Variants in PPFIBP1 observed in about 807,000 individuals in gnomAD.
PPFIBP1 encodes the protein liprin-beta-1.
PPFIBP1 carries 112 observed loss-of-function variants against 137.8 expected under a neutral mutation model. That is an observed-to-expected ratio of 0.81 (90% CI 0.70 to 0.95). The LOEUF (loss-of-function observed/expected upper bound fraction) is 0.95, where lower values mean the gene tolerates loss of function less well. Ranked by LOEUF, PPFIBP1 falls within the 40% of genes least tolerant of loss-of-function variation. The probability of loss-of-function intolerance (pLI) is 0.00; values close to 1 mark genes in which losing one functional copy is unlikely to be tolerated. For missense variants in PPFIBP1, 1,083 were observed against 1,196.6 expected (o/e 0.91, Z 1.40); for synonymous variants, 378 against 417.3 (o/e 0.91, Z 1.15).
intron 17 of PPFIBP1, among the ~76,000 whole-genome samples, chr12:27,674,965 A>C (rs1470229666): frequency 1.4e-5 from 2 of 147,002 alleles, no homozygotes; most frequent in Non-Finnish European, 3.0e-5. Context: ...GGCGTGCACC[A>C]CCATACTCGG....
chr12:27,585,460 T>C (rs2051624698), intron 2 of PPFIBP1, among the ~76,000 whole-genome samples: 1 of 152,250 alleles, frequency 6.6e-6, no homozygotes, highest in Non-Finnish European at 1.5e-5. Flanking sequence ...GGAAATGACA[T>C]TCACTTTCAG....
At chr12:27,544,720 A>G (rs571239531) in intron 1 of PPFIBP1, among the ~76,000 whole-genome samples, 29 of 152,242 alleles carry the variant, frequency 1.9e-4, no homozygotes, top group Non-Finnish European at 2.2e-4. Flanking sequence ...TAGAATGGCA[A>G]TCATTAAATA....
chr12:27,649,752 T>G (rs1327605294), intron 6 of PPFIBP1, among the ~76,000 whole-genome samples: 1 of 152,208 alleles, frequency 6.6e-6, no homozygotes, highest in Non-Finnish European at 1.5e-5. Flanking sequence ...GGTTTCACCA[T>G]ACTGTCCAGG....
chr12:27,561,438 T>A (rs1235172009), intron 1 of PPFIBP1, among the ~76,000 whole-genome samples: 1 of 152,228 alleles, frequency 6.6e-6, no homozygotes, highest in Non-Finnish European at 1.5e-5. Flanking sequence ...TATCTTTAGC[T>A]TAAAATAATC....
chr12:27,632,218 G>C (rs555995741), intron 2 of PPFIBP1, among the ~76,000 whole-genome samples: 98 of 152,190 alleles, frequency 6.4e-4, no homozygotes, highest in Middle Eastern at 3.4e-3. Flanking sequence ...ATGCATAATT[G>C]GGAACTCATC....
chr12:27,586,226 C>A (rs2051731531), intron 2 of PPFIBP1, among the ~76,000 whole-genome samples: 1 of 152,104 alleles, frequency 6.6e-6, no homozygotes, highest in South Asian at 2.1e-4. Flanking sequence ...GGAATTGAAG[C>A]CAGGAAGTCA....
At chr12:27,641,536 TA>T (rs1300331202) in intron 4 of PPFIBP1, among the ~76,000 whole-genome samples, 1 of 152,238 alleles carries the variant, frequency 6.6e-6, no homozygotes, top group Non-Finnish European at 1.5e-5. Flanking sequence ...ACTTTAAATC[TA>T]TTTGAAATTT....
chr12:27,569,108 C>T (rs1396136681), intron 1 of PPFIBP1, among the ~76,000 whole-genome samples: 1 of 152,170 alleles, frequency 6.6e-6, no homozygotes, highest in Non-Finnish European at 1.5e-5. Flanking sequence ...ATTGCATCCC[C>T]TGCCTCCAAA....
chr12:27,596,258 A>G (rs184163314), intron 2 of PPFIBP1, among the ~76,000 whole-genome samples: 163 of 152,298 alleles, frequency 1.1e-3, no homozygotes, highest in Non-Finnish European at 1.8e-3. Context: ...GCCATGACTC[A>G]GTCTCACTTT....
rs770361434 is a variant in PPFIBP1 at position 27,691,957 on chromosome 12, G to A, written c.2865+29G>A. 7 of 1,547,570 alleles carry A rather than the reference G, an allele frequency of 4.5e-6. No individual in the cohort carries two copies. In the Admixed American group the frequency reaches 6.0e-5, roughly 13 times the overall value. ...AATCCAACACTGTATAACTTTTTGC[G>A]AGTTCTTCCATCATTCAGACACTAA... On this transcript the variant is annotated intron_variant, in intron 28 of 29. Transcript: ENST00000228425.
chr12:27,682,839 G>A lies in PPFIBP1; in HGVS notation c.2247+136G>A, dbSNP rs2060958652. 7 of 1,407,720 alleles carry A rather than the reference G, an allele frequency of 5.0e-6. No homozygotes were observed. In the South Asian group the frequency reaches 8.5e-5, roughly 17 times the overall value. The allele number at this position is 1,407,720 out of a possible 1,614,324, so 87.2% of individuals were successfully genotyped here. ...GCTGTTGCTTGAACTTGAGGAGAGT[G>A]GCAGGCATATTTCCCATGAGGCTGA... On this transcript the variant is annotated intron_variant, in intron 24 of 29. Transcript: ENST00000228425.
In PPFIBP1 at chr12:27,672,470, T is replaced by C. The variant is rs35670331; in HGVS notation, c.1306T>C (p.Cys436Arg). The C allele has an allele frequency of 3.3e-3, 5,252 of 1,607,008 alleles. 130 individuals carry two copies. The African/African-American group carries it at 0.056, about 17-fold the overall frequency. Residue 436 changes from cysteine (C) to arginine (R), a missense_variant, in exon 15 of 30, where the codon TGT (cysteine) becomes CGT (arginine). Transcript: ENST00000228425. ...ILGATVDTQL[C>R]DKLLTSSLQK... The stretch of plus-strand genomic sequence containing the variant: ...TGGTGCCACTGTTGATACCCAACTG[T>C]GTGATAAACTTTTGTAAGTTACATT...
At chr12:27,676,331 T>A in intron 17 of PPFIBP1, 97 bp from the exon 18 acceptor site, 1 of 942,604 alleles carries the variant, frequency 1.1e-6, no homozygotes, top group Non-Finnish European at 1.5e-6. Context: ...TTGAATAAAC[T>A]CATGGATGTG....
chr12:27,684,306 G>A (rs970027031), intron 24 of PPFIBP1, among the ~76,000 whole-genome samples: 4 of 149,776 alleles, frequency 2.7e-5, no homozygotes, highest in East Asian at 2.0e-4. Flanking sequence ...ATGGAGTTTC[G>A]CCATGTTGGC....
In PPFIBP1 at chr12:27,669,687, A is replaced by G. The variant is rs529094020; in HGVS notation, c.1147-1744A>G. Among the ~76,000 whole-genome samples, 12 of 152,344 alleles carry G rather than the reference A, an allele frequency of 7.9e-5. No homozygotes were observed. In the East Asian group the frequency reaches 1.7e-3, roughly 22 times the overall value. On this transcript the variant is annotated intron_variant, in intron 13 of 29. Coordinates refer to ENST00000228425, the MANE Select transcript of PPFIBP1 (RefSeq NM_003622.4). The stretch of plus-strand genomic sequence containing the variant: ...ATGATGGCTAAATAAGTTGCCCAGG[A>G]TTCATCATAAAGATTCAAACTGAAA...
At chr12:27,616,609 A>G (rs2055786936) in intron 2 of PPFIBP1, among the ~76,000 whole-genome samples, 1 of 152,194 alleles carries the variant, frequency 6.6e-6, no homozygotes, top group Non-Finnish European at 1.5e-5. Flanking sequence ...AGTTTAGCAG[A>G]ACGAAACAGA....
intron 2 of PPFIBP1, among the ~76,000 whole-genome samples, chr12:27,597,738 G>C (rs2053482843): frequency 6.6e-6 from 1 of 152,152 alleles, no homozygotes; most frequent in African/African-American, 2.4e-5. Context: ...GTGATCCCGA[G>C]GATAGAAGAG....
intron 13 of PPFIBP1, among the ~76,000 whole-genome samples, chr12:27,667,706 C>T (rs1459332536): frequency 6.6e-6 from 1 of 152,232 alleles, no homozygotes; most frequent in Non-Finnish European, 1.5e-5. Flanking sequence ...AGCATCTCGT[C>T]TCTGCTCTAC....
At position 27,525,238 on chromosome 12, in the gene PPFIBP1, C is replaced by T. The variant is rs560966024; in HGVS notation, c.-124+873C>T. 9.2e-5 allele frequency among the ~76,000 whole-genome samples: 14 copies of T among 152,052 alleles called. 1 individual carries two copies. In the South Asian group the frequency reaches 2.7e-3, roughly 29 times the overall value. On this transcript the variant is annotated intron_variant, in intron 1 of 29. Transcript: ENST00000228425. ...TGCTTTCAGTAAGAACTGCGGAGAG[C>T]AATAGAAAAAGAACTTGATTTCAAA...
Sources: allele counts gnomAD v4.1 joint callset (sites outside exome capture counted in the v4.1 genomes callset), GRCh38; gene constraint gnomAD v4.1.1; transcripts MANE v1.5; gene names NCBI Gene and HGNC (gene_info 2026-07-23, HGNC 2026-07-21).